CROCC: variants seen among roughly 807,000 people sequenced by gnomAD.
The protein encoded by CROCC is rootletin.
In CROCC, 180 loss-of-function variants were observed where a neutral mutation model predicts 245.2. That is an observed-to-expected ratio of 0.73 (90% CI 0.65 to 0.83). CROCC has a LOEUF of 0.83. CROCC is among the 40% of genes least tolerant of loss of function. The pLI, the probability that CROCC is intolerant of heterozygous loss-of-function variation, is 0.00. For missense variants in CROCC, 2,688 were observed against 2,779.4 expected, an observed-to-expected ratio of 0.97 and a Z score of 0.74; for synonymous variants, 1,205 against 1,241.6, an observed-to-expected ratio of 0.97 and a Z score of 0.62.
intron 16 of CROCC, 66 bp downstream of exon 16, chr1:16,946,471 C>T (rs535440804): frequency 9.8e-5 from 154 of 1,574,014 alleles, no homozygotes; most frequent in East Asian, 6.0e-4. Context: ...TGAGGCACCC[C>T]GGGCCCAGCC....
chr1:16,966,980 G>A lies in CROCC; in HGVS notation c.4860+409G>A, dbSNP rs544204382. Among the ~76,000 whole-genome samples the A allele has an allele frequency of 6.6e-5, 10 of 152,120 alleles. No individual in the cohort carries two copies. The highest frequency in any genetic ancestry group is 2.2e-4 in the African/African-American group (9 of 41,510). On this transcript the variant is annotated intron_variant, in intron 30 of 36. Coordinates refer to ENST00000375541, the MANE Select transcript of CROCC (RefSeq NM_014675.5). The surrounding 1 kb of genome is among the most constrained non-coding windows in gnomAD (Gnocchi z 4.8). ...TGAGGTGGGAAGATCACTGGAGCCCGGTAGGTCGAGGCTGCAATGAGCTGT... is the reference window on the plus strand; with the variant it reads ...TGAGGTGGGAAGATCACTGGAGCCCAGTAGGTCGAGGCTGCAATGAGCTGT...
chr1:16,958,670 A>G lies in CROCC; in HGVS notation c.3952A>G (p.Lys1318Glu), dbSNP rs919331863. ...GRLALGERAE[K>E]ESRRETLGLR... ...CCTGGCGCTGGGCGAGCGGGCAGAG[A>G]AGGAGAGCAGGCGGGAGACCCTGGG... The change falls in exon 26 of 37, where the codon AAG becomes GAG. Residue 1318 changes from lysine (K) to glutamate (E), a missense_variant. By Grantham distance (56) the Lys-to-Glu change is moderately conservative. This residue lies in a region of CROCC where 1,218 missense variants were observed against 1,286.3 expected (regional missense o/e 0.95). Coordinates refer to ENST00000375541, the MANE Select transcript of CROCC (RefSeq NM_014675.5). 5 of 1,556,936 alleles carry G rather than the reference A, an allele frequency of 3.2e-6. No individual in the cohort carries two copies. In the Admixed American group the frequency reaches 9.7e-5, roughly 30 times the overall value.
At chr1:16,939,193 G>C in intron 12 of CROCC, 51 bp downstream of exon 12, 1 of 1,274,294 alleles carries the variant, frequency 7.8e-7, no homozygotes, top group African/African-American at 1.6e-5. Context: ...TGGGGGAGGG[G>C]CTCGCGCCCT....
intron 8 of CROCC, 30 bp from the exon 9 acceptor site, chr1:16,936,607 T>G: frequency 6.5e-7 from 1 of 1,539,326 alleles, no homozygotes; most frequent in Non-Finnish European, 8.8e-7. Context: ...GCAAGCCCCA[T>G]CCATCCCCAG....
Position 16,930,389 on chromosome 1 carries a change from C to T in CROCC, c.684-40C>T, listed in dbSNP as rs765438767. 89 of 1,611,102 alleles carry T rather than the reference C, an allele frequency of 5.5e-5. 1 individual carries two copies. In the South Asian group the frequency reaches 8.7e-4, roughly 16 times the overall value. The stretch of plus-strand genomic sequence containing the variant: ...GAGGGCCAGGGCTGGCAGGATGGCC[C>T]CCTGCGCGAGCGCCTACTGATCCCC... On this transcript the variant is annotated intron_variant, in intron 6 of 36. Transcript: ENST00000375541.
At chr1:16,968,487 G>T in intron 31 of CROCC, 69 bp downstream of exon 31, 1 of 1,398,566 alleles carries the variant, frequency 7.2e-7, no homozygotes, top group Non-Finnish European at 9.4e-7. Flanking sequence ...TAGGCACTAC[G>T]CAGTCCCCCA....
chr1:16,939,799 G>C (rs776929368), intron 12 of CROCC, 95 bp from the exon 13 acceptor site: 88 of 1,450,134 alleles, frequency 6.1e-5, no homozygotes, highest in Non-Finnish European at 7.6e-5. Flanking sequence ...ACCCCGCCTA[G>C]CGTAGGCTAG....
At chr1:16,928,328 G>C (rs1337512444) in intron 3 of CROCC, among the ~76,000 whole-genome samples, 1 of 152,274 alleles carries the variant, frequency 6.6e-6, no homozygotes, top group South Asian at 2.1e-4. Flanking sequence ...GGGAAGATGA[G>C]GGGCCACCTG....
intron 3 of CROCC, among the ~76,000 whole-genome samples, chr1:16,924,945 G>A (rs1193900942): frequency 9.2e-5 from 14 of 152,404 alleles, no homozygotes; most frequent in South Asian, 2.1e-4. Context: ...AAGACCTGCC[G>A]CCACTGCCTA....
intron 1 of CROCC, among the ~76,000 whole-genome samples, chr1:16,915,371 T>G (rs1404329352): frequency 1.3e-5 from 2 of 152,286 alleles, no homozygotes; most frequent in South Asian, 2.1e-4. Flanking sequence ...CCATGCACTG[T>G]GGAAGTGACA....
At position 16,938,925 on chromosome 1, in the gene CROCC, C is replaced by T; in HGVS notation, c.1391C>T (p.Ser464Phe). ...RDLAQAVLSD[S>F]ESGVQLSGSE... is the part of the protein sequence containing the mutation. Reference sequence around the variant, plus strand: ...CACCCTCAGGCCGTCTTGTCAGACTCTGAGAGCGGCGTCCAGCTGAGCGGC... The same window carrying T: ...CACCCTCAGGCCGTCTTGTCAGACTTTGAGAGCGGCGTCCAGCTGAGCGGC... Residue 464 changes from serine to phenylalanine, a missense_variant, in exon 12 of 37, where the codon TCT becomes TTT. Ser to Phe is a radical substitution (Grantham distance 155). Around this residue, in one of 9 missense-constraint regions of CROCC, gnomAD observed 972 missense variants for 895.3 expected, o/e 1.09. Coordinates refer to ENST00000375541, the MANE Select transcript of CROCC (RefSeq NM_014675.5). 6.2e-6 allele frequency: 10 copies of T among 1,602,870 alleles called. No individual in the cohort carries two copies. Among genetic ancestry groups the T allele is most frequent in the Non-Finnish European group, 6.8e-6 (8 of 1,176,972 alleles).
rs771645426 is a variant in CROCC at position 16,937,651 on chromosome 1, C to G, written c.1204C>G (p.Leu402Val). 4.9e-5 allele frequency: 79 copies of G among 1,610,872 alleles called. No individual in the cohort carries two copies. The highest frequency in any genetic ancestry group is 1.2e-5 in the Non-Finnish European group (14 of 1,179,214). The change falls in exon 10 of 37, where the codon CTG becomes GTG. Residue 402 changes from leucine (L) to valine (V), a missense_variant. Transcript: ENST00000375541. ...CTCCCCCAACTCCAGAGTGACAGAGCTGGGCCTGGCAGTGAAGCGTCTTGA... is the reference window on the plus strand; with the variant it reads ...CTCCCCCAACTCCAGAGTGACAGAGGTGGGCCTGGCAGTGAAGCGTCTTGA... ...KADLSARVTE[L>V]GLAVKRLEKQ...
At chr1:16,967,408 C>A (rs1466588649) in intron 30 of CROCC, among the ~76,000 whole-genome samples, 2 of 152,212 alleles carry the variant, frequency 1.3e-5, no homozygotes, top group African/African-American at 4.8e-5. Context: ...CCCCCAAGGC[C>A]TCTGGCCTGG....
At chr1:16,915,979 G>A (rs566315519) in intron 1 of CROCC, among the ~76,000 whole-genome samples, 190 of 152,246 alleles carry the variant, frequency 1.2e-3, no homozygotes, top group African/African-American at 4.3e-3. Context: ...AGGAGTTTAA[G>A]ACCAGCCTGG....
intron 13 of CROCC, chr1:16,940,948 C>T (rs2075917993): frequency 2.5e-6 from 1 of 405,718 alleles, no homozygotes; most frequent in Non-Finnish European, 5.0e-6. Flanking sequence ...GTGCCCTCAC[C>T]ACCCTCTGAG....
In CROCC at chr1:16,921,952, G is replaced by A. The variant is rs1448253182; in HGVS notation, c.-67G>A. 1.4e-5 allele frequency: 21 copies of A among 1,449,666 alleles called. No individual in the cohort carries two copies. The highest frequency in any genetic ancestry group is 4.2e-5 in the African/African-American group (3 of 71,838). 89.8% of individuals were successfully genotyped at this position (1,449,666 alleles called of 1,614,324 possible). On this transcript the variant is annotated 5_prime_UTR_variant, in exon 1 of 37. In the 5' UTR this introduces an upstream ATG that the reference lacks. Transcript: ENST00000375541. ...CAGCACAGCATCCTGGCTGTGGCGC[G>A]TGCTGACTGAGCTAGTCTTGGGGTC...
At chr1:16,950,480 TC>T (rs1049911289) in intron 19 of CROCC, among the ~76,000 whole-genome samples, 6 of 139,358 alleles carry the variant, frequency 4.3e-5, no homozygotes, top group African/African-American at 1.4e-4. Context: ...TGCCTCAGCC[TC>T]CCTGAGGCTG....
intron 7 of CROCC, among the ~76,000 whole-genome samples, chr1:16,930,945 G>A (rs2075662596): frequency 6.6e-6 from 1 of 152,298 alleles, no homozygotes. Flanking sequence ...AACAAAGCAA[G>A]ACTCTGTCTC....
At position 16,924,473 on chromosome 1, in the gene CROCC, C is replaced by G; in HGVS notation, c.345C>G (p.Ser115Arg). The change falls in exon 3 of 37, where the codon AGC becomes AGG. Residue 115 changes from serine (S) to arginine (R), a missense_variant. Around this residue, in one of 9 missense-constraint regions of CROCC, gnomAD observed 972 missense variants for 895.3 expected, o/e 1.09. Transcript: ENST00000375541. ...DELAIKYNAV[S>R]ERLEQALRLE... ...TCGCCATTAAGTACAATGCGGTCAGCGAGAGGGTGGGTGCCGCCCAGGTGG... is the reference window on the plus strand; with the variant it reads ...TCGCCATTAAGTACAATGCGGTCAGGGAGAGGGTGGGTGCCGCCCAGGTGG... 1.2e-6 allele frequency: 2 copies of G among 1,611,534 alleles called. No individual in the cohort carries two copies. The highest frequency in any genetic ancestry group is 1.7e-6 in the Non-Finnish European group (2 of 1,178,360).
Sources: allele counts gnomAD v4.1 joint callset (sites outside exome capture counted in the v4.1 genomes callset), GRCh38; gene constraint gnomAD v4.1.1; regional missense constraint gnomAD v4.1.1; non-coding constraint Gnocchi (gnomAD v3.1); transcripts MANE v1.5; gene names NCBI Gene and HGNC (gene_info 2026-07-23, HGNC 2026-07-21).